Variants in RPS6KC1 observed in about 807,000 individuals in gnomAD.
RPS6KC1 encodes inactive ribosomal protein S6 kinase delta-1.
RPS6KC1 carries 54 observed loss-of-function variants against 103.8 expected under a neutral mutation model. That is an observed-to-expected ratio of 0.52 (90% CI 0.42 to 0.65). The LOEUF is 0.65. Ranked by LOEUF, RPS6KC1 falls within the 30% of genes least tolerant of loss-of-function variation. RPS6KC1 has a pLI of 0.00. For missense variants in RPS6KC1, 1,151 were observed against 1,253.8 expected (o/e 0.92, Z 1.24); for synonymous variants, 439 against 438.7 (o/e 1.00, Z -0.01).
the RPS6KC1 span, among the ~76,000 whole-genome samples, chr1:213,491,053 T>A: frequency 6.6e-6 from 1 of 152,262 alleles, no homozygotes; most frequent in East Asian, 1.9e-4. Context: ...GGAACTGAGA[T>A]GCTCCCCTTG....
the RPS6KC1 span, among the ~76,000 whole-genome samples, chr1:213,361,656 G>A: frequency 6.6e-6 from 1 of 152,210 alleles, no homozygotes; most frequent in African/African-American, 2.4e-5. Context: ...CTGTAGACTG[G>A]AGCTGTTCCT....
At chr1:213,078,253 A>G (rs1411361895) in intron 3 of RPS6KC1, among the ~76,000 whole-genome samples, 1 of 127,444 alleles carries the variant, frequency 7.8e-6, no homozygotes, top group Non-Finnish European at 1.6e-5. Flanking sequence ...TTTTTGCCTC[A>G]TCAGTTTTCA....
At chr1:213,068,177 C>T (rs1428261396) in intron 1 of RPS6KC1, among the ~76,000 whole-genome samples, 5 of 152,064 alleles carry the variant, frequency 3.3e-5, no homozygotes, top group Non-Finnish European at 7.4e-5. Flanking sequence ...CTTTTCTTCT[C>T]AATACATTTC....
At chr1:213,332,881 C>T in the RPS6KC1 span, among the ~76,000 whole-genome samples, 4 of 152,094 alleles carry the variant, frequency 2.6e-5, no homozygotes, top group Non-Finnish European at 5.9e-5. Context: ...CTTTTCTAAC[C>T]ATGGCATGGT....
chr1:213,113,992 G>A (rs2083306026), intron 4 of RPS6KC1, among the ~76,000 whole-genome samples: 2 of 152,080 alleles, frequency 1.3e-5, no homozygotes, highest in Non-Finnish European at 2.9e-5. Context: ...GTCAGGTAGG[G>A]TGATGCCTCC....
the RPS6KC1 span, among the ~76,000 whole-genome samples, chr1:213,804,173 T>TAAAAAAAAAAAA: frequency 3.5e-5 from 2 of 57,840 alleles, no homozygotes; most frequent in African/African-American, 7.0e-5. Flanking sequence ...TGGCTAATCT[T>TAAAAAAAAAAAA]AAAAAAAAAA....
the RPS6KC1 span, among the ~76,000 whole-genome samples, chr1:213,725,418 G>A: frequency 6.6e-6 from 1 of 152,206 alleles, no homozygotes; most frequent in African/African-American, 2.4e-5. Flanking sequence ...AGGCCGCTCG[G>A]CAGCCAGCAG....
At chr1:213,146,162 A>G (rs1202414110) in intron 6 of RPS6KC1, among the ~76,000 whole-genome samples, 1 of 149,100 alleles carries the variant, frequency 6.7e-6, no homozygotes, top group Non-Finnish European at 1.5e-5. Context: ...CTGTGCTTGG[A>G]TTATTTCACT....
chr1:213,358,221 C>T, the RPS6KC1 span, among the ~76,000 whole-genome samples: 1 of 152,288 alleles, frequency 6.6e-6, no homozygotes, highest in Middle Eastern at 3.4e-3. Context: ...ACCAGCTCCT[C>T]CTTGTACTGC....
the RPS6KC1 span, among the ~76,000 whole-genome samples, chr1:213,434,791 T>C: frequency 1.3e-5 from 2 of 152,038 alleles, no homozygotes; most frequent in African/African-American, 4.8e-5. Context: ...TGTTTTTTTT[T>C]CTTCTGATTG....
chr1:213,308,189 C>T, the RPS6KC1 span, among the ~76,000 whole-genome samples: 1 of 151,990 alleles, frequency 6.6e-6, no homozygotes, highest in South Asian at 2.1e-4. Context: ...TGGTGGGCAC[C>T]TGTAATTCCA....
the RPS6KC1 span, among the ~76,000 whole-genome samples, chr1:213,468,332 G>A: frequency 6.6e-6 from 1 of 152,204 alleles, no homozygotes; most frequent in South Asian, 2.1e-4. Context: ...ACTAAGTTAG[G>A]AAGCCAAGCT....
At chr1:213,740,319 G>C in the RPS6KC1 span, among the ~76,000 whole-genome samples, 1 of 152,048 alleles carries the variant, frequency 6.6e-6, no homozygotes, top group Admixed American at 6.5e-5. Context: ...TTTGGCTGGT[G>C]AGTTAAAATT....
the RPS6KC1 span, among the ~76,000 whole-genome samples, chr1:213,602,745 T>C: frequency 6.6e-6 from 1 of 152,026 alleles, no homozygotes; most frequent in South Asian, 2.1e-4. Context: ...TAGCCAGAGG[T>C]AGTAGATGCC....
chr1:213,605,733 A>G, the RPS6KC1 span, among the ~76,000 whole-genome samples: 47 of 152,224 alleles, frequency 3.1e-4, no homozygotes, highest in African/African-American at 1.1e-3. Context: ...TGGCCTTTAG[A>G]AGGCAAGGTT....
the RPS6KC1 span, among the ~76,000 whole-genome samples, chr1:213,423,072 C>T: frequency 6.6e-6 from 1 of 152,244 alleles, no homozygotes; most frequent in African/African-American, 2.4e-5. Context: ...CATGTGCCTA[C>T]TTCATGTGTA....
chr1:213,781,655 C>G, the RPS6KC1 span, among the ~76,000 whole-genome samples: 1 of 152,108 alleles, frequency 6.6e-6, no homozygotes, highest in Non-Finnish European at 1.5e-5. Context: ...AGACTGGAGA[C>G]CCAAACTCAA....
intron 8 of RPS6KC1, among the ~76,000 whole-genome samples, chr1:213,203,637 A>G (rs2093244901): frequency 6.6e-6 from 1 of 152,120 alleles, no homozygotes; most frequent in Non-Finnish European, 1.5e-5. Flanking sequence ...TTCCTTCAAG[A>G]CAAAAATTTT....
At chr1:213,694,243 C>T in the RPS6KC1 span, among the ~76,000 whole-genome samples, 2 of 152,214 alleles carry the variant, frequency 1.3e-5, no homozygotes, top group Admixed American at 1.3e-4. Flanking sequence ...AGGCTTCAAG[C>T]TATTGGACTC....
Sources: allele counts gnomAD v4.1 joint callset (sites outside exome capture counted in the v4.1 genomes callset), GRCh38; gene constraint gnomAD v4.1.1; transcripts MANE v1.5; gene names NCBI Gene and HGNC (gene_info 2026-07-23, HGNC 2026-07-21).